The following ARL6IP5 variants were observed in gnomAD, a reference collection of about 807,000 sequenced individuals.
ARL6IP5 encodes PRA1 family protein 3.
ARL6IP5 carries 6 observed loss-of-function variants against 13.0 expected under a neutral mutation model. That is an observed-to-expected ratio of 0.46 (90% CI 0.25 to 0.91). ARL6IP5 has a LOEUF of 0.91. ARL6IP5 is among the 40% of genes least tolerant of loss of function. The probability of loss-of-function intolerance (pLI) is 0.17; values close to 1 mark genes in which losing one functional copy is unlikely to be tolerated. For synonymous variants in ARL6IP5, 91 were observed against 91.9 expected (o/e 0.99, Z 0.06); for missense variants, 208 against 248.8 (o/e 0.84, Z 1.10).
At chr3:69,087,140 T>G (rs1008104658) in intron 1 of ARL6IP5, among the ~76,000 whole-genome samples, 41 of 152,148 alleles carry the variant, frequency 2.7e-4, no homozygotes, top group African/African-American at 9.6e-4. Flanking sequence ...CCTACCTCAG[T>G]CTCCCAAGTG....
intron 1 of ARL6IP5, among the ~76,000 whole-genome samples, chr3:69,089,185 T>C (rs564811224): frequency 6.6e-6 from 1 of 152,222 alleles, no homozygotes; most frequent in Admixed American, 6.5e-5. Context: ...TATACCTATA[T>C]GCCCAGGTGT....
At position 69,101,983 on chromosome 3, in the gene ARL6IP5, G is replaced by A; in HGVS notation, c.321G>A (p.Leu107=). The A allele has an allele frequency of 6.2e-7, 1 of 1,614,104 alleles. No homozygotes were observed. The highest frequency in any genetic ancestry group is 8.5e-7 in the Non-Finnish European group (1 of 1,180,030). ...CGACGTTCGTTATGGTGGTCATGTT[G>A]GCGAGCTATTTCCTTATCTCCATGT... The part of the protein sequence containing the change: ...YPTTFVMVVM[L]ASYFLISMFG... Residue 107 remains leucine (L), a synonymous_variant, in exon 2 of 3, where the codon TTG becomes TTA. Coordinates refer to ENST00000273258, the MANE Select transcript of ARL6IP5 (RefSeq NM_006407.4).
At chr3:69,096,884 G>A (rs2092289053) in intron 1 of ARL6IP5, among the ~76,000 whole-genome samples, 1 of 152,080 alleles carries the variant, frequency 6.6e-6, no homozygotes, top group Admixed American at 6.6e-5. Context: ...TTACAGGTGT[G>A]AGCCACTGTA....
chr3:69,102,363 T>A lies in ARL6IP5; in HGVS notation c.394+307T>A. ...CTCTGTCACCCACGCTGTGGTGTTATCTCGGCTTACTGCAACCTCTGCCTC... is the reference window on the plus strand; with the variant it reads ...CTCTGTCACCCACGCTGTGGTGTTAACTCGGCTTACTGCAACCTCTGCCTC... On this transcript the variant is annotated intron_variant, in intron 2 of 2. Coordinates refer to ENST00000273258, the MANE Select transcript of ARL6IP5 (RefSeq NM_006407.4). The A allele has an allele frequency of 8.4e-6, 3 of 358,824 alleles. No homozygotes were observed. In the South Asian group the frequency reaches 8.5e-5, roughly 10 times the overall value. 22.2% of individuals were successfully genotyped at this position (358,824 alleles called of 1,614,324 possible).
intron 1 of ARL6IP5, among the ~76,000 whole-genome samples, chr3:69,096,597 C>CTTTTTTTTTTTTTTTT (rs11291168): frequency 4.3e-5 from 3 of 69,554 alleles, no homozygotes; most frequent in African/African-American, 1.2e-4. Context: ...TTTTGCTTTG[C>CTTTTTTTTTTTTTTTT]TTTTTTTTTT....
Position 69,104,572 on chromosome 3 carries a change from C to A in ARL6IP5, c.503C>A (p.Ala168Asp). Reference protein sequence around the residue: ...KRTPMGIVLDALEQQEEGINR... With the variant: ...KRTPMGIVLDDLEQQEEGINR... ...ACACCGATGGGCATTGTCCTGGATG[C>A]CCTAGAACAGCAGGAAGAAGGCATC... Residue 168 changes from alanine (A) to aspartate (D), a missense_variant, in exon 3 of 3, where the codon GCC becomes GAC. Ala to Asp is a moderately radical substitution (Grantham distance 126). Coordinates refer to ENST00000273258, the MANE Select transcript of ARL6IP5 (RefSeq NM_006407.4). 1 of 1,613,974 alleles carries A rather than the reference C, an allele frequency of 6.2e-7. No individual in the cohort carries two copies.
intron 1 of ARL6IP5, among the ~76,000 whole-genome samples, chr3:69,097,322 G>A (rs1160789412): frequency 1.3e-5 from 2 of 150,522 alleles, no homozygotes; most frequent in Non-Finnish European, 3.0e-5. Context: ...GCCACACCTG[G>A]CTAATTTTTG....
intron 1 of ARL6IP5, 33 bp downstream of exon 1, chr3:69,085,256 C>A (rs1481714897): frequency 1.3e-6 from 2 of 1,592,208 alleles, no homozygotes; most frequent in Non-Finnish European, 8.6e-7. Context: ...GGACACCGAT[C>A]CGGGGCGAGC....
At chr3:69,090,468 C>A (rs1215299390) in intron 1 of ARL6IP5, among the ~76,000 whole-genome samples, 2 of 152,192 alleles carry the variant, frequency 1.3e-5, no homozygotes, top group East Asian at 3.8e-4. Flanking sequence ...AATTTGTATA[C>A]AAGTATAGCA....
chr3:69,095,980 GT>G (rs2092285711), intron 1 of ARL6IP5, among the ~76,000 whole-genome samples: 1 of 152,186 alleles, frequency 6.6e-6, no homozygotes, highest in African/African-American at 2.4e-5. Context: ...GCAAGAACTG[GT>G]TCCCAGATTT....
chr3:69,104,080 A>C (rs922714852), intron 2 of ARL6IP5, among the ~76,000 whole-genome samples: 1 of 152,184 alleles, frequency 6.6e-6, no homozygotes, highest in Non-Finnish European at 1.5e-5. Context: ...ATCGAGCAAG[A>C]GTTCTTTTCT....
intron 1 of ARL6IP5, among the ~76,000 whole-genome samples, chr3:69,091,758 G>A (rs1188012278): frequency 3.4e-5 from 5 of 148,072 alleles, no homozygotes; most frequent in African/African-American, 1.0e-4. Flanking sequence ...TTCTAGGTAA[G>A]TGTGCAAATA....
intron 1 of ARL6IP5, among the ~76,000 whole-genome samples, chr3:69,088,598 G>A (rs1407757924): frequency 6.6e-6 from 1 of 152,198 alleles, no homozygotes; most frequent in South Asian, 2.1e-4. Context: ...GATTAAGAGG[G>A]ATTAGGATAG....
chr3:69,104,626 T>C lies in ARL6IP5; in HGVS notation c.557T>C (p.Val186Ala), dbSNP rs746715303. The change falls in exon 3 of 3, where the codon GTG becomes GCG. Residue 186 changes from valine to alanine, a missense_variant. By Grantham distance (64) the Val-to-Ala change is moderately conservative. Coordinates refer to ENST00000273258, the MANE Select transcript of ARL6IP5 (RefSeq NM_006407.4). ...INRLTDYISK[V>A]KE ...AGACTCACTGACTATATCAGCAAAG[T>C]GAAGGAATAAACATAACTTACCTGA... The C allele has an allele frequency of 5.6e-6, 9 of 1,613,282 alleles. No individual in the cohort carries two copies. In the South Asian group the frequency reaches 9.9e-5, roughly 18 times the overall value.
At chr3:69,089,635 T>G (rs1214624052) in intron 1 of ARL6IP5, among the ~76,000 whole-genome samples, 1 of 99,260 alleles carries the variant, frequency 1.0e-5, no homozygotes, top group African/African-American at 3.7e-5. Flanking sequence ...TGAAACCCTG[T>G]CTAAAAAAAA....
intron 1 of ARL6IP5, among the ~76,000 whole-genome samples, chr3:69,100,398 ACTCT>A (rs1177302285): frequency 6.6e-6 from 1 of 152,102 alleles, no homozygotes; most frequent in Admixed American, 6.6e-5. Context: ...CTTATAATGA[ACTCT>A]CTATGTGAGG....
intron 1 of ARL6IP5, among the ~76,000 whole-genome samples, chr3:69,086,722 CTTTTTTT>C (rs1207661746): frequency 7.6e-6 from 1 of 132,444 alleles, no homozygotes; most frequent in Non-Finnish European, 1.6e-5. Flanking sequence ...TAAAAAATTT[CTTTTTTT>C]TTTTTTTTTT....
intron 1 of ARL6IP5, among the ~76,000 whole-genome samples, chr3:69,093,091 G>A (rs953559757): frequency 2.0e-5 from 3 of 152,170 alleles, no homozygotes; most frequent in Non-Finnish European, 2.9e-5. Context: ...CTCCGTCACT[G>A]TGGGAAGCGT....
chr3:69,105,275 G>A lies in ARL6IP5; in HGVS notation c.*639G>A, dbSNP rs1575866793. On this transcript the variant is annotated 3_prime_UTR_variant, in exon 3 of 3. Transcript: ENST00000273258. ...AAATGCTAGTAATGTGTTTTCACCA[G>A]CAAGTATTTGTTGCAAACTTAATGT... The A allele has an allele frequency of 1.1e-5, 2 of 177,432 alleles. No individual in the cohort carries two copies. The highest frequency in any genetic ancestry group is 2.6e-4 in the South Asian group (2 of 7,748). 11.0% of individuals were successfully genotyped at this position (177,432 alleles called of 1,614,324 possible).
Sources: allele counts gnomAD v4.1 joint callset (sites outside exome capture counted in the v4.1 genomes callset), GRCh38; gene constraint gnomAD v4.1.1; transcripts MANE v1.5; gene names NCBI Gene and HGNC (gene_info 2026-07-23, HGNC 2026-07-21).